The following GPR176 variants were observed in gnomAD, a reference collection of about 807,000 sequenced individuals.
The protein encoded by GPR176 is G protein-coupled receptor 176.
In GPR176, 26 loss-of-function variants were observed where a neutral mutation model predicts 35.4. The observed-to-expected ratio is 0.74, with a 90% CI of 0.54 to 1.02. The LOEUF (loss-of-function observed/expected upper bound fraction) is 1.02. GPR176 is among the 50% of genes least tolerant of loss of function. GPR176 has a pLI of 0.00. For missense variants in GPR176, 597 were observed against 665.3 expected (o/e 0.90, Z 1.13); for synonymous variants, 278 against 271.3 (o/e 1.02, Z -0.24).
rs1786338569 is a variant in GPR176 at position 39,799,176 on chromosome 15, A to G, written c.*1956T>C. On this transcript the variant is annotated 3_prime_UTR_variant, in exon 3 of 3. Coordinates refer to ENST00000561100, the MANE Select transcript of GPR176 (RefSeq NM_007223.3). ...TCAAAATTTATTAAGTTGTACATAT[A>G]CAGTATATTATCAGAACAACACCAA... 1 of 152,268 alleles carries G rather than the reference A, an allele frequency of 6.6e-6. No individual in the cohort carries two copies. Among genetic ancestry groups the G allele is most frequent in the Non-Finnish European group, 1.5e-5 (1 of 68,048 alleles). The allele number at this position is 152,268 out of a possible 1,614,324, so 9.4% of individuals were successfully genotyped here. A position where few individuals can be genotyped will look rare whatever the true frequency, so the allele number is the denominator to read the frequency against.
rs566214558 is a variant in GPR176 at position 39,803,359 on chromosome 15, A to T, written c.426-1105T>A. Among the ~76,000 whole-genome samples, 8 of 140,342 alleles carry T rather than the reference A, an allele frequency of 5.7e-5. No individual in the cohort carries two copies. The South Asian group carries it at 1.6e-3, about 27-fold the overall frequency. The allele number at this position is 140,342 out of a possible 152,430, so 92.1% of individuals were successfully genotyped here. A position where few individuals can be genotyped will look rare whatever the true frequency, so the allele number is the denominator to read the frequency against. ...TAGTGGCATGATCTAGGCTCACTGCAACCTTCGCCTTCTGGGTTCAAGCCA... is the reference window on the plus strand; with the variant it reads ...TAGTGGCATGATCTAGGCTCACTGCTACCTTCGCCTTCTGGGTTCAAGCCA... On this transcript the variant is annotated intron_variant, in intron 2 of 2. Transcript: ENST00000561100.
intron 1 of GPR176, among the ~76,000 whole-genome samples, chr15:39,903,502 G>A (rs961037338): frequency 6.6e-6 from 1 of 151,790 alleles, no homozygotes; most frequent in Non-Finnish European, 1.5e-5. Flanking sequence ...ACAGGGAGAA[G>A]AAAGAAAAAC....
chr15:39,837,273 T>C (rs563688302), intron 1 of GPR176, among the ~76,000 whole-genome samples: 1 of 152,276 alleles, frequency 6.6e-6, no homozygotes, highest in East Asian at 1.9e-4. Flanking sequence ...TGCACAGTAC[T>C]ATAAGTGCCT....
intron 1 of GPR176, among the ~76,000 whole-genome samples, chr15:39,848,874 C>T (rs1336615531): frequency 1.4e-5 from 2 of 144,146 alleles, no homozygotes; most frequent in Non-Finnish European, 3.0e-5. Context: ...GAGAAAATGT[C>T]TCAGATAAGC....
chr15:39,890,196 C>A (rs957417728), intron 1 of GPR176, among the ~76,000 whole-genome samples: 8 of 152,154 alleles, frequency 5.3e-5, no homozygotes, highest in African/African-American at 1.9e-4. Flanking sequence ...ACCAGCACAC[C>A]ACTGCCCTTA....
At chr15:39,875,382 GTTT>G (rs761135556) in intron 1 of GPR176, among the ~76,000 whole-genome samples, 35 of 152,156 alleles carry the variant, frequency 2.3e-4, no homozygotes, top group Non-Finnish European at 4.4e-4. Flanking sequence ...TTGGTAAGGT[GTTT>G]TCAGATAAAT....
chr15:39,873,561 C>T (rs994715017), intron 1 of GPR176, among the ~76,000 whole-genome samples: 3 of 151,828 alleles, frequency 2.0e-5, no homozygotes, highest in African/African-American at 7.3e-5. Flanking sequence ...GTGACCTAGG[C>T]TCATACATTA....
chr15:39,871,719 G>A (rs2032048714), intron 1 of GPR176, among the ~76,000 whole-genome samples: 2 of 152,142 alleles, frequency 1.3e-5, no homozygotes, highest in African/African-American at 4.8e-5. Flanking sequence ...AAACTCAAGA[G>A]TATCTGCACG....
chr15:39,890,181 C>T (rs2032820492), intron 1 of GPR176, among the ~76,000 whole-genome samples: 1 of 152,168 alleles, frequency 6.6e-6, no homozygotes, highest in South Asian at 2.1e-4. Context: ...TGATGTTAAA[C>T]ATTTACCAGC....
chr15:39,856,311 C>G (rs1449752322), intron 1 of GPR176, among the ~76,000 whole-genome samples: 2 of 152,236 alleles, frequency 1.3e-5, no homozygotes, highest in African/African-American at 2.4e-5. Flanking sequence ...TATTTGCTTA[C>G]TGTCTATCCC....
chr15:39,811,084 T>A (rs577765188), intron 1 of GPR176, among the ~76,000 whole-genome samples: 50 of 152,380 alleles, frequency 3.3e-4, no homozygotes, highest in Non-Finnish European at 6.3e-4. Flanking sequence ...CATTTATATA[T>A]AAAGTAGCTT....
At chr15:39,878,782 T>C (rs919904716) in intron 1 of GPR176, among the ~76,000 whole-genome samples, 1 of 152,236 alleles carries the variant, frequency 6.6e-6, no homozygotes, top group Admixed American at 6.5e-5. Flanking sequence ...GTAAAACCAC[T>C]TTAAAGCTCT....
rs373229009 is a variant in GPR176, at chr15:39,802,135, T to C, written c.545A>G (p.Asn182Ser). 50 of 1,614,094 alleles carry C rather than the reference T, an allele frequency of 3.1e-5. No homozygotes were observed. Among genetic ancestry groups the C allele is most frequent in the African/African-American group, 1.3e-4 (10 of 74,918 alleles). The stretch of plus-strand genomic sequence containing the variant: ...GGACGTGGCATAGATGTCAGCCACA[T>C]TGGTTACTGCAAACACAGGGACACT... Reference protein sequence around the residue: ...VASVPVFAVTNVADIYATSTC... With the variant: ...VASVPVFAVTSVADIYATSTC... Residue 182 changes from asparagine (N) to serine (S), a missense_variant, in exon 3 of 3, where the codon AAT becomes AGT. Asn to Ser is a conservative substitution (Grantham distance 46). Coordinates refer to ENST00000561100, the MANE Select transcript of GPR176 (RefSeq NM_007223.3).
chr15:39,819,665 A>G (rs1292248381), intron 1 of GPR176, among the ~76,000 whole-genome samples: 2 of 152,224 alleles, frequency 1.3e-5, no homozygotes, highest in East Asian at 3.8e-4. Context: ...CTACACTGTA[A>G]TTAGTCTAGT....
At chr15:39,830,329 A>C (rs1440202879) in intron 1 of GPR176, among the ~76,000 whole-genome samples, 1 of 152,252 alleles carries the variant, frequency 6.6e-6, no homozygotes, top group Non-Finnish European at 1.5e-5. Flanking sequence ...AGGAGTTGAC[A>C]AACGAGTTTG....
intron 1 of GPR176, among the ~76,000 whole-genome samples, chr15:39,879,429 T>C (rs1308306771): frequency 6.6e-6 from 1 of 152,192 alleles, no homozygotes; most frequent in Non-Finnish European, 1.5e-5. Flanking sequence ...CTAAAGCAAC[T>C]TCATCCCAAA....
At chr15:39,884,645 C>T (rs1024628337) in intron 1 of GPR176, among the ~76,000 whole-genome samples, 4 of 152,122 alleles carry the variant, frequency 2.6e-5, no homozygotes, top group African/African-American at 9.7e-5. Flanking sequence ...TTATTCTAAC[C>T]CTAGGTGTTG....
intron 1 of GPR176, among the ~76,000 whole-genome samples, chr15:39,899,182 G>A (rs962930703): frequency 9.9e-5 from 15 of 152,190 alleles, no homozygotes; most frequent in Non-Finnish European, 1.6e-4. Context: ...CCATTGTGTA[G>A]TAGTAGCTTA....
In GPR176 at chr15:39,807,202, T is replaced by C; in HGVS notation, c.229A>G (p.Asn77Asp). The change falls in exon 2 of 3, where the codon AAC (asparagine) becomes GAC (aspartate). Residue 77 changes from asparagine to aspartate, a missense_variant. By Grantham distance (23) the Asn-to-Asp change is conservative. This residue lies in a region of GPR176 where 126 missense variants were observed against 112.4 expected (regional missense o/e 1.12). Coordinates refer to ENST00000561100, the MANE Select transcript of GPR176 (RefSeq NM_007223.3). ...CRTTVFKSVT[N>D]RFIKNLACSG... ...CAGGCCAGGTTTTTAATGAACCTGT[T>C]GGTGACAGATTTGAACACGGTTGTG... is the stretch of plus-strand genomic sequence containing the variant. The C allele has an allele frequency of 1.2e-6, 2 of 1,613,264 alleles. No homozygotes were observed. Among genetic ancestry groups the C allele is most frequent in the Non-Finnish European group, 1.7e-6 (2 of 1,179,558 alleles).
Sources: gnomAD v4.1 joint callset for allele counts (sites outside exome capture counted in the v4.1 genomes callset) on GRCh38, gnomAD v4.1.1 for gene constraint, gnomAD v4.1.1 regional missense constraint, MANE v1.5 for transcripts, NCBI Gene and HGNC (gene_info 2026-07-23, HGNC 2026-07-21) for gene names.